FGF12: variants seen among roughly 807,000 people sequenced by gnomAD.
FGF12 encodes fibroblast growth factor 12, also known as fibroblast growth factor 12B.
A neutral mutation model predicts 23.6 loss-of-function variants in FGF12; 14 were observed. The observed-to-expected ratio is 0.59, with a 90% CI of 0.39 to 0.93. The LOEUF is 0.93. Ranked by LOEUF, FGF12 falls within the 40% of genes least tolerant of loss-of-function variation. The pLI is 0.00. For missense variants in FGF12, 175 were observed against 217.8 expected, an observed-to-expected ratio of 0.80 and a Z score of 1.24; for synonymous variants, 62 against 77.3, an observed-to-expected ratio of 0.80 and a Z score of 1.04.
chr3:192,377,115 C>T (rs973030201), intron 2 of FGF12, among the ~76,000 whole-genome samples: 5 of 152,218 alleles, frequency 3.3e-5, no homozygotes, highest in Non-Finnish European at 7.3e-5. Context: ...ACAACACTTT[C>T]CACCCATTGC....
At chr3:192,464,161 G>C (rs1254201216) in intron 2 of FGF12, among the ~76,000 whole-genome samples, 2 of 152,042 alleles carry the variant, frequency 1.3e-5, no homozygotes, top group Non-Finnish European at 2.9e-5. Context: ...CAGTAGGTCT[G>C]GGGGGAACAT....
At chr3:192,387,399 A>G (rs556498245) in intron 2 of FGF12, among the ~76,000 whole-genome samples, 4 of 152,136 alleles carry the variant, frequency 2.6e-5, no homozygotes, top group Non-Finnish European at 5.9e-5. Context: ...CCTGTCTTCT[A>G]TTTTTTAAGT....
intron 2 of FGF12, among the ~76,000 whole-genome samples, chr3:192,702,165 C>T (rs1718318747): frequency 6.6e-6 from 1 of 152,190 alleles, no homozygotes; most frequent in African/African-American, 2.4e-5. Flanking sequence ...GGATGATCTC[C>T]AAGTTCATCC....
At chr3:192,423,416 T>G (rs943117285) in intron 2 of FGF12, among the ~76,000 whole-genome samples, 2 of 152,122 alleles carry the variant, frequency 1.3e-5, no homozygotes, top group Non-Finnish European at 2.9e-5. Flanking sequence ...AATTCTCGGG[T>G]TTTTCATTCT....
At chr3:192,342,937 G>T (rs981165312) in intron 3 of FGF12, among the ~76,000 whole-genome samples, 1 of 151,146 alleles carries the variant, frequency 6.6e-6, no homozygotes, top group African/African-American at 2.4e-5. Context: ...AAACACATAG[G>T]AAAACAATGT....
chr3:192,437,057 A>G (rs1441088041), intron 2 of FGF12, among the ~76,000 whole-genome samples: 1 of 152,200 alleles, frequency 6.6e-6, no homozygotes, highest in Non-Finnish European at 1.5e-5. Context: ...GCATCTTATG[A>G]ATGAATAGTG....
chr3:192,190,665 C>A (rs1438642477), intron 4 of FGF12, among the ~76,000 whole-genome samples: 2 of 151,304 alleles, frequency 1.3e-5, no homozygotes, highest in South Asian at 4.2e-4. Flanking sequence ...TTAGTAGAGA[C>A]GGGGTTTCAC....
chr3:192,607,462 C>A (rs1222474822), intron 2 of FGF12, among the ~76,000 whole-genome samples: 1 of 152,236 alleles, frequency 6.6e-6, no homozygotes, highest in Non-Finnish European at 1.5e-5. Context: ...CTGCTTTCCA[C>A]TAGAGCTTCT....
chr3:192,479,436 C>T (rs1363164511), intron 2 of FGF12, among the ~76,000 whole-genome samples: 4 of 152,166 alleles, frequency 2.6e-5, no homozygotes, highest in African/African-American at 9.7e-5. Flanking sequence ...ATTTAGTCAA[C>T]TTCTTTATTT....
chr3:192,507,762 C>CA (rs1319756370), intron 2 of FGF12, among the ~76,000 whole-genome samples: 1 of 152,184 alleles, frequency 6.6e-6, no homozygotes, highest in Non-Finnish European at 1.5e-5. Flanking sequence ...TGGCCTCAGC[C>CA]TTTTAGGAAC....
intron 2 of FGF12, among the ~76,000 whole-genome samples, chr3:192,610,284 A>T (rs1041640050): frequency 1.3e-5 from 2 of 152,066 alleles, no homozygotes; most frequent in Non-Finnish European, 2.9e-5. Context: ...GAGCTTACTG[A>T]ATGTGAATCA....
chr3:192,488,406 C>T (rs953192902), intron 2 of FGF12, among the ~76,000 whole-genome samples: 6 of 152,074 alleles, frequency 3.9e-5, no homozygotes, highest in African/African-American at 1.2e-4. Flanking sequence ...ACATTTCTTT[C>T]CTCTTCTTCC....
At chr3:192,185,175 T>A (rs1314491042) in intron 4 of FGF12, among the ~76,000 whole-genome samples, 1 of 152,212 alleles carries the variant, frequency 6.6e-6, no homozygotes, top group Non-Finnish European at 1.5e-5. Context: ...GTCATAGCTA[T>A]TTATCTGTGG....
chr3:192,718,531 G>A (rs958117487), intron 2 of FGF12, among the ~76,000 whole-genome samples: 2 of 152,102 alleles, frequency 1.3e-5, no homozygotes, highest in Non-Finnish European at 2.9e-5. Flanking sequence ...TGAAGAACAA[G>A]GCCATAGAAA....
At chr3:192,218,034 T>G (rs895898534) in intron 4 of FGF12, among the ~76,000 whole-genome samples, 3 of 151,994 alleles carry the variant, frequency 2.0e-5, no homozygotes, top group Non-Finnish European at 4.4e-5. Context: ...ATGTGGTTTC[T>G]CCATGTTGGT....
chr3:192,297,261 A>C (rs1715094947), intron 4 of FGF12, among the ~76,000 whole-genome samples: 1 of 152,226 alleles, frequency 6.6e-6, no homozygotes, highest in African/African-American at 2.4e-5. Flanking sequence ...TGAAGCAAAA[A>C]TTTTAAAAAT....
chr3:192,209,281 C>G (rs1330563339), intron 4 of FGF12, among the ~76,000 whole-genome samples: 6 of 152,114 alleles, frequency 3.9e-5, no homozygotes, highest in Non-Finnish European at 8.8e-5. Flanking sequence ...GATGTAATGG[C>G]TAGAATTCCA....
chr3:192,401,099 C>G (rs1424782390), intron 2 of FGF12, among the ~76,000 whole-genome samples: 4 of 152,204 alleles, frequency 2.6e-5, no homozygotes, highest in Non-Finnish European at 5.9e-5. Context: ...ATAAGCCCCA[C>G]TGTGTTAACA....
Position 192,335,444 on chromosome 3 carries a change from C to A in FGF12, c.145G>T (p.Val49Leu). Residue 49 changes from valine (V) to leucine (L), a missense_variant, in exon 4 of 6, where the codon GTG becomes TTG. By Grantham distance (32) the Val-to-Leu change is conservative. Coordinates refer to ENST00000445105, the MANE Select transcript of FGF12 (RefSeq NM_004113.6). Reference sequence around the variant, plus strand: ...TGGATGGCCACTACACGCAGGCCCACGGGAATTAGATTGAAGAGAGCTGGG... The same window carrying A: ...TGGATGGCCACTACACGCAGGCCCAAGGGAATTAGATTGAAGAGAGCTGGG... ...SDYTLFNLIP[V>L]GLRVVAIQGV... The A allele has an allele frequency of 6.2e-7, 1 of 1,612,494 alleles. No individual in the cohort carries two copies. The highest frequency in any genetic ancestry group is 8.5e-7 in the Non-Finnish European group (1 of 1,179,096).
Sources: allele counts gnomAD v4.1 joint callset (sites outside exome capture counted in the v4.1 genomes callset), GRCh38; gene constraint gnomAD v4.1.1; transcripts MANE v1.5; gene names NCBI Gene and HGNC (gene_info 2026-07-23, HGNC 2026-07-21).